Variants in LY96 observed in about 807,000 individuals in gnomAD.
LY96 encodes the protein lymphocyte antigen 96, also known as myeloid differentiation protein-2.
In LY96, 18 loss-of-function variants were observed where a neutral mutation model predicts 18.9. The observed-to-expected ratio is 0.95, with a 90% CI of 0.66 to 1.41. The LOEUF is 1.41. Ranked by LOEUF, LY96 falls within the 40% of genes most tolerant of loss-of-function variation. The probability of loss-of-function intolerance (pLI) is 0.00; values close to 1 mark genes in which losing one functional copy is unlikely to be tolerated. For missense variants in LY96, 175 were observed against 182.4 expected (o/e 0.96, Z 0.23); for synonymous variants, 66 against 62.6 (o/e 1.06, Z -0.26).
the LY96 span, among the ~76,000 whole-genome samples, chr8:74,081,536 G>A: frequency 6.6e-6 from 1 of 151,706 alleles, no homozygotes; most frequent in Admixed American, 6.6e-5. Flanking sequence ...TGAGACTACA[G>A]GTGTGAGCCA....
chr8:74,075,906 A>T, the LY96 span, among the ~76,000 whole-genome samples: 2 of 152,152 alleles, frequency 1.3e-5, no homozygotes, highest in East Asian at 3.9e-4. Flanking sequence ...GTGCAGGATG[A>T]TGGTAAGGAG....
At chr8:74,009,927 A>C in intron 2 of LY96, 74 bp from the exon 3 acceptor site, 2 of 1,104,706 alleles carry the variant, frequency 1.8e-6, no homozygotes, top group Non-Finnish European at 2.8e-6. Context: ...CCTTTTAACT[A>C]TACAATAAAT....
chr8:74,048,810 A>G, the LY96 span: 1 of 86,672 alleles, frequency 1.2e-5, no homozygotes, highest in Non-Finnish European at 2.3e-5. Context: ...AAAAAGAAAA[A>G]AAGAGAGAGA....
chr8:74,078,496 C>T, the LY96 span, among the ~76,000 whole-genome samples: 1 of 152,158 alleles, frequency 6.6e-6, no homozygotes, highest in Non-Finnish European at 1.5e-5. Context: ...TCACAGTATG[C>T]AGATTGGGAT....
At chr8:74,004,740 A>G (rs764204028) in intron 1 of LY96, 56 bp from the exon 2 acceptor site, 1 of 1,446,476 alleles carries the variant, frequency 6.9e-7, no homozygotes, top group East Asian at 2.3e-5. Flanking sequence ...TCAGAATACT[A>G]TACTTAATGG....
At chr8:74,095,676 C>T in the LY96 span, among the ~76,000 whole-genome samples, 1 of 152,176 alleles carries the variant, frequency 6.6e-6, no homozygotes, top group African/African-American at 2.4e-5. Context: ...ACTTTCCCTC[C>T]TACCTCTTCT....
the LY96 span, among the ~76,000 whole-genome samples, chr8:74,034,448 A>G: frequency 6.6e-6 from 1 of 152,132 alleles, no homozygotes; most frequent in Non-Finnish European, 1.5e-5. Context: ...AACACTTTTT[A>G]TTAGATTTCA....
the LY96 span, among the ~76,000 whole-genome samples, chr8:74,060,979 C>T: frequency 0.042 from 6,390 of 152,220 alleles, 339 homozygotes; most frequent in African/African-American, 0.11. Context: ...ATTTCTATAC[C>T]TTCGTGTCCT....
chr8:74,045,397 G>T, the LY96 span, among the ~76,000 whole-genome samples: 1 of 152,196 alleles, frequency 6.6e-6, no homozygotes, highest in Non-Finnish European at 1.5e-5. Flanking sequence ...ACAGCAGACA[G>T]ATTTAGGAAT....
chr8:74,053,299 A>G, the LY96 span, among the ~76,000 whole-genome samples: 1 of 152,098 alleles, frequency 6.6e-6, no homozygotes, highest in Non-Finnish European at 1.5e-5. Context: ...AGATTTTCAC[A>G]ATTTCTTTGC....
chr8:74,068,089 AAT>A, the LY96 span, among the ~76,000 whole-genome samples: 184 of 67,922 alleles, frequency 2.7e-3, 4 homozygotes, highest in African/African-American at 9.6e-3. Context: ...AAAAAAAAAA[AAT>A]ATATATATAT....
At chr8:74,031,587 G>A (rs1205523380), downstream of LY96, among the ~76,000 whole-genome samples, 1 of 150,832 alleles carries the variant, frequency 6.6e-6, no homozygotes, top group Admixed American at 6.6e-5. Context: ...AGCCGAGATC[G>A]TGCCACTACT....
chr8:74,039,922 T>C, the LY96 span, among the ~76,000 whole-genome samples: 517 of 152,266 alleles, frequency 3.4e-3, 8 homozygotes, highest in Non-Finnish European at 1.2e-3. Flanking sequence ...CACAAGAAGC[T>C]GGTGGAGCAG....
the LY96 span, among the ~76,000 whole-genome samples, chr8:74,068,102 A>ATATAT: frequency 7.2e-6 from 1 of 139,300 alleles, no homozygotes; most frequent in Non-Finnish European, 1.5e-5. Flanking sequence ...ATATATATAT[A>ATATAT]ACATTTCCTT....
the LY96 span, among the ~76,000 whole-genome samples, chr8:74,049,640 G>A: frequency 6.6e-6 from 1 of 152,200 alleles, no homozygotes; most frequent in Non-Finnish European, 1.5e-5. Flanking sequence ...GCTGAGGAGT[G>A]AAATAGATAC....
chr8:74,023,853 C>G (rs1202788066), intron 3 of LY96, among the ~76,000 whole-genome samples: 1 of 152,062 alleles, frequency 6.6e-6, no homozygotes, highest in Non-Finnish European at 1.5e-5. Context: ...GAAATTCATA[C>G]TAACAGTTTA....
At chr8:74,078,304 T>C in the LY96 span, among the ~76,000 whole-genome samples, 9 of 151,792 alleles carry the variant, frequency 5.9e-5, no homozygotes, top group Admixed American at 2.0e-4. Context: ...TCCTGTGGAG[T>C]GTGGCCAAAT....
At chr8:74,093,377 C>A in the LY96 span, among the ~76,000 whole-genome samples, 2 of 152,202 alleles carry the variant, frequency 1.3e-5, no homozygotes, top group Non-Finnish European at 2.9e-5. Flanking sequence ...CAGTGCCTGG[C>A]ACATAGCAGA....
downstream of LY96, chr8:74,029,181 TATCCTC>T: frequency 3.1e-6 from 2 of 642,936 alleles, no homozygotes; most frequent in Non-Finnish European, 5.5e-6. Flanking sequence ...GAAAGAAGCT[TATCCTC>T]ACAGATCTCT....
Sources: allele counts gnomAD v4.1 joint callset (sites outside exome capture counted in the v4.1 genomes callset), GRCh38; gene constraint gnomAD v4.1.1; transcripts MANE v1.5; gene names NCBI Gene and HGNC (gene_info 2026-07-23, HGNC 2026-07-21).